The following TAS2R1 variants were observed in gnomAD, a reference collection of about 807,000 sequenced individuals.
The protein encoded by TAS2R1 is taste receptor type 2 member 1.
For missense variants in TAS2R1, 370 were observed against 353.4 expected (o/e 1.05, Z -0.38); for synonymous variants, 141 against 134.2 (o/e 1.05, Z -0.35).
chr5:9,864,191 G>A, the TAS2R1 span, among the ~76,000 whole-genome samples: 3 of 152,182 alleles, frequency 2.0e-5, no homozygotes, highest in Non-Finnish European at 4.4e-5. Flanking sequence ...CACCTGAGAA[G>A]CAGTCAAGAG....
chr5:9,798,477 C>A, the TAS2R1 span, among the ~76,000 whole-genome samples: 1 of 152,274 alleles, frequency 6.6e-6, no homozygotes, highest in African/African-American at 2.4e-5. Context: ...GTAGAAAGAA[C>A]ATTTAATTAG....
chr5:9,690,650 G>A (rs1741223322), intron 1 of TAS2R1, among the ~76,000 whole-genome samples: 1 of 151,988 alleles, frequency 6.6e-6, no homozygotes, highest in East Asian at 1.9e-4. Flanking sequence ...TGAGTTAAAA[G>A]TGTTGATACG....
chr5:9,784,132 A>C, the TAS2R1 span, among the ~76,000 whole-genome samples: 1 of 152,252 alleles, frequency 6.6e-6, no homozygotes, highest in Non-Finnish European at 1.5e-5. Context: ...GTAAGGGTTT[A>C]CTATGAACAT....
At position 9,628,239 on chromosome 5, in the gene TAS2R1, A is replaced by G. The variant is rs1460507270; in HGVS notation, c.*894T>C. ...TTTGTGACTTGAAGCAGACGGAGAC[A>G]CCCCCAGCCCCACCCACCTACTGAT... On this transcript the variant is annotated 3_prime_UTR_variant, in exon 1 of 1. Coordinates refer to ENST00000382492, the MANE Select transcript of TAS2R1 (RefSeq NM_019599.3). Among the ~76,000 whole-genome samples, 2 of 151,928 alleles carry G rather than the reference A, an allele frequency of 1.3e-5. No individual in the cohort carries two copies. The highest frequency in any genetic ancestry group is 2.9e-5 in the Non-Finnish European group (2 of 67,994).
At chr5:9,682,901 T>C (rs1001354671) in intron 1 of TAS2R1, among the ~76,000 whole-genome samples, 1 of 152,182 alleles carries the variant, frequency 6.6e-6, no homozygotes, top group African/African-American at 2.4e-5. Flanking sequence ...CTTCTTCCTC[T>C]ATTGACTAGA....
chr5:9,754,093 C>A, the TAS2R1 span, among the ~76,000 whole-genome samples: 1 of 152,120 alleles, frequency 6.6e-6, no homozygotes, highest in Non-Finnish European at 1.5e-5. Flanking sequence ...GGATGCAAGG[C>A]TGGTTCAATA....
the TAS2R1 span, among the ~76,000 whole-genome samples, chr5:9,763,258 A>G: frequency 9.2e-5 from 14 of 152,184 alleles, no homozygotes; most frequent in African/African-American, 3.4e-4. Context: ...TAATCCCAAC[A>G]CTTTGGGAGG....
the TAS2R1 span, among the ~76,000 whole-genome samples, chr5:9,865,957 C>T: frequency 6.6e-6 from 1 of 152,178 alleles, no homozygotes; most frequent in East Asian, 1.9e-4. Context: ...TTGAAAAATA[C>T]TTGCCTATGA....
At chr5:9,819,940 G>T in the TAS2R1 span, among the ~76,000 whole-genome samples, 1 of 152,058 alleles carries the variant, frequency 6.6e-6, no homozygotes, top group Non-Finnish European at 1.5e-5. Context: ...TTGTTCCCAT[G>T]TAAGTATTTC....
the TAS2R1 span, among the ~76,000 whole-genome samples, chr5:9,885,855 C>T: frequency 2.0e-5 from 3 of 151,952 alleles, no homozygotes; most frequent in African/African-American, 7.3e-5. Context: ...AAAACTCGCA[C>T]AGTGATCATT....
At chr5:9,653,259 T>C (rs764696265) in intron 2 of TAS2R1, among the ~76,000 whole-genome samples, 1 of 152,250 alleles carries the variant, frequency 6.6e-6, no homozygotes, top group South Asian at 2.1e-4. Flanking sequence ...TACGTCAGAA[T>C]GTCCTTCCTT....
the TAS2R1 span, among the ~76,000 whole-genome samples, chr5:9,728,652 G>A: frequency 6.6e-6 from 1 of 152,202 alleles, no homozygotes; most frequent in Non-Finnish European, 1.5e-5. Context: ...TGGGAAGTAG[G>A]GGAGTAAGGG....
chr5:9,664,409 CA>C (rs1740591891), intron 1 of TAS2R1, among the ~76,000 whole-genome samples: 1 of 152,150 alleles, frequency 6.6e-6, no homozygotes, highest in Admixed American at 6.6e-5. Flanking sequence ...GTACAAGGGA[CA>C]GGGGAGAAAG....
At chr5:9,827,355 T>C in the TAS2R1 span, among the ~76,000 whole-genome samples, 1 of 152,176 alleles carries the variant, frequency 6.6e-6, no homozygotes, top group Non-Finnish European at 1.5e-5. Context: ...TGGGCAAGCA[T>C]TGTCTCTAGT....
At chr5:9,801,584 CTG>C in the TAS2R1 span, among the ~76,000 whole-genome samples, 4 of 152,188 alleles carry the variant, frequency 2.6e-5, no homozygotes, top group African/African-American at 7.2e-5. Flanking sequence ...ATGCCAAAAA[CTG>C]TGAGTCTGCT....
the TAS2R1 span, among the ~76,000 whole-genome samples, chr5:9,821,660 T>C: frequency 6.6e-5 from 10 of 152,154 alleles, no homozygotes; most frequent in African/African-American, 1.7e-4. Context: ...ACATGAGAAA[T>C]TGATAATAGT....
At chr5:9,831,021 G>T in the TAS2R1 span, among the ~76,000 whole-genome samples, 1 of 152,252 alleles carries the variant, frequency 6.6e-6, no homozygotes, top group Middle Eastern at 3.4e-3. Flanking sequence ...AGTCCATTGG[G>T]TGATTGTTCA....
At chr5:9,873,078 T>C in the TAS2R1 span, among the ~76,000 whole-genome samples, 23 of 152,222 alleles carry the variant, frequency 1.5e-4, no homozygotes, top group Non-Finnish European at 2.5e-4. Context: ...TCCTTTTACA[T>C]ATGAGGAAAC....
the TAS2R1 span, among the ~76,000 whole-genome samples, chr5:9,818,932 C>G: frequency 3.3e-5 from 5 of 152,184 alleles, no homozygotes; most frequent in Non-Finnish European, 7.4e-5. Flanking sequence ...TCAGCTCACA[C>G]AGTTAATCTT....
Sources: gnomAD v4.1 joint callset for allele counts (sites outside exome capture counted in the v4.1 genomes callset) on GRCh38, gnomAD v4.1.1 for gene constraint, MANE v1.5 for transcripts, NCBI Gene and HGNC (gene_info 2026-07-23, HGNC 2026-07-21) for gene names.